The following SPICE1 variants were observed in gnomAD, a reference collection of about 807,000 sequenced individuals.
SPICE1 encodes spindle and centriole-associated protein 1.
SPICE1 carries 75 observed loss-of-function variants against 102.7 expected under a neutral mutation model. That is an observed-to-expected ratio of 0.73 (90% CI 0.61 to 0.88). The LOEUF (loss-of-function observed/expected upper bound fraction) is 0.88. Ranked by LOEUF, SPICE1 falls within the 40% of genes least tolerant of loss-of-function variation. The pLI is 0.00. For missense variants in SPICE1, 979 were observed against 1,020.1 expected, an observed-to-expected ratio of 0.96 and a Z score of 0.55; for synonymous variants, 308 against 350.3, an observed-to-expected ratio of 0.88 and a Z score of 1.35.
chr3:113,457,928 C>A (rs576867238), intron 12 of SPICE1, among the ~76,000 whole-genome samples: 1 of 152,228 alleles, frequency 6.6e-6, no homozygotes, highest in South Asian at 2.1e-4. Flanking sequence ...TCACAAGTAA[C>A]AAAATGGCTA....
chr3:113,448,869 T>C (rs1050720538), intron 15 of SPICE1: 1 of 152,214 alleles, frequency 6.6e-6, no homozygotes, highest in Non-Finnish European at 1.5e-5. Flanking sequence ...TTTATCATTA[T>C]AGTCCACAGC....
intron 8 of SPICE1, 56 bp from the exon 9 acceptor site, chr3:113,468,955 T>C: frequency 6.3e-7 from 1 of 1,577,162 alleles, no homozygotes; most frequent in Non-Finnish European, 8.6e-7. Context: ...CTTAAGAAAG[T>C]ATTTCAATTG....
At chr3:113,500,685 C>T (rs1455911605) in intron 3 of SPICE1, among the ~76,000 whole-genome samples, 1 of 152,072 alleles carries the variant, frequency 6.6e-6, no homozygotes, top group Non-Finnish European at 1.5e-5. Context: ...GTGAACAGTA[C>T]ATAGTAGTTA....
intron 14 of SPICE1, among the ~76,000 whole-genome samples, chr3:113,452,140 C>A (rs1935667266): frequency 6.6e-6 from 1 of 152,156 alleles, no homozygotes; most frequent in African/African-American, 2.4e-5. Flanking sequence ...CCCCCAGAAA[C>A]AACGAAATGA....
intron 7 of SPICE1, among the ~76,000 whole-genome samples, chr3:113,473,956 C>T (rs137874781): frequency 0.025 from 3,853 of 151,870 alleles, 63 homozygotes; most frequent in East Asian, 0.053. Flanking sequence ...TAAATGTAAA[C>T]GGACTAAATG....
chr3:113,481,754 T>C lies in SPICE1; in HGVS notation c.611+7191A>G, dbSNP rs184869391. 2.6e-3 allele frequency among the ~76,000 whole-genome samples: 390 copies of C among 152,346 alleles called. 2 individuals carry two copies. Among genetic ancestry groups the C allele is most frequent in the African/African-American group, 8.8e-3 (365 of 41,578 alleles). ...CCTGCAAAGGACATGAACTCATCTTTTTTATGGCTGCATAGTATTCCATGC... is the reference window on the plus strand; with the variant it reads ...CCTGCAAAGGACATGAACTCATCTTCTTTATGGCTGCATAGTATTCCATGC... On this transcript the variant is annotated intron_variant, in intron 7 of 17. Transcript: ENST00000295872.
intron 7 of SPICE1, among the ~76,000 whole-genome samples, chr3:113,474,085 G>A (rs1434576527): frequency 7.9e-5 from 12 of 151,716 alleles, no homozygotes; most frequent in African/African-American, 2.9e-4. Context: ...TAAAAGGATG[G>A]AGGAAGATCT....
At chr3:113,462,129 C>A (rs1935946401) in intron 11 of SPICE1, among the ~76,000 whole-genome samples, 1 of 152,172 alleles carries the variant, frequency 6.6e-6, no homozygotes, top group African/African-American at 2.4e-5. Flanking sequence ...GGTCAGCCTT[C>A]AAAATATATT....
In SPICE1 at chr3:113,453,510, G is replaced by A. The variant is rs760711659; in HGVS notation, c.2098C>T (p.Leu700Phe). 6.2e-7 allele frequency: 1 copy of A among 1,613,684 alleles called. No individual in the cohort carries two copies. Among genetic ancestry groups the A allele is most frequent in the Non-Finnish European group, 8.5e-7 (1 of 1,179,658 alleles). ...CTTTCTTGTTTGTTCAACTCCCGGA[G>A]TCCATCCCCTTGCTCTCCTCTGGGC... ...IEPRGEQGDGLRELNKQESAS... is the reference protein window; with the variant it reads ...IEPRGEQGDGFRELNKQESAS... Residue 700 changes from leucine to phenylalanine, a missense_variant, in exon 14 of 18, where the codon CTC (leucine) becomes TTC (phenylalanine). By Grantham distance (22) the Leu-to-Phe change is conservative (BLOSUM62 0). Coordinates refer to ENST00000295872, the MANE Select transcript of SPICE1 (RefSeq NM_144718.4).
chr3:113,465,746 T>C lies in SPICE1; in HGVS notation c.1194A>G (p.Gln398=). Residue 398 remains glutamine (Q), a synonymous_variant, in exon 11 of 18, where the codon CAA becomes CAG. Transcript: ENST00000295872. ...IQLRKEVETR[Q]QLEQVLGDHR... ...GATCACCTAATACTTGTTCCAGTTG[T>C]TGCCTTGTCTCTACTTCTTTACGTA... is the stretch of plus-strand genomic sequence containing the variant. 6.2e-7 allele frequency: 1 copy of C among 1,613,918 alleles called. No homozygotes were observed. Among genetic ancestry groups the C allele is most frequent in the South Asian group, 1.1e-5 (1 of 91,052 alleles).
intron 3 of SPICE1, 116 bp downstream of exon 3, chr3:113,503,064 A>G: frequency 9.3e-7 from 1 of 1,071,792 alleles, no homozygotes; most frequent in South Asian, 1.5e-5. Context: ...CATAAACAAG[A>G]TTAAACATAA....
chr3:113,486,789 T>C (rs1936658067), intron 7 of SPICE1, among the ~76,000 whole-genome samples: 1 of 150,888 alleles, frequency 6.6e-6, no homozygotes, highest in Admixed American at 6.6e-5. Context: ...GAAAAGCAAA[T>C]ATAGTACGTT....
At chr3:113,494,216 A>G (rs1936824502) in intron 4 of SPICE1, 74 bp from the exon 5 acceptor site, 2 of 1,034,510 alleles carry the variant, frequency 1.9e-6, no homozygotes, top group East Asian at 5.0e-5. Context: ...AAAAGACCAT[A>G]AAAAGGCCTG....
chr3:113,489,863 A>C (rs866392065), intron 6 of SPICE1, among the ~76,000 whole-genome samples: 5 of 151,388 alleles, frequency 3.3e-5, no homozygotes, highest in Admixed American at 6.6e-5. Flanking sequence ...AAAAAAAAAA[A>C]AAAAAACGCT....
intron 8 of SPICE1, 35 bp downstream of exon 8, chr3:113,469,064 C>T: frequency 6.3e-7 from 1 of 1,598,148 alleles, no homozygotes; most frequent in Non-Finnish European, 8.5e-7. Context: ...CCTAATAAAG[C>T]AGGCACCTAG....
Position 113,445,184 on chromosome 3 carries a change from A to T in SPICE1, c.*123T>A. On this transcript the variant is annotated 3_prime_UTR_variant, in exon 18 of 18. Coordinates refer to ENST00000295872, the MANE Select transcript of SPICE1 (RefSeq NM_144718.4). The stretch of plus-strand genomic sequence containing the variant: ...AATTGCTTTATTTCTCTGTTTCATT[A>T]GTACTAATTCACAGGATCTTTGTAG... 1.5e-6 allele frequency: 1 copy of T among 686,084 alleles called. No homozygotes were observed. The highest frequency in any genetic ancestry group is 2.4e-6 in the Non-Finnish European group (1 of 423,910). The allele number at this position is 686,084 out of a possible 1,614,324, so 42.5% of individuals were successfully genotyped here. A position where few individuals can be genotyped will look rare whatever the true frequency, so the allele number is the denominator to read the frequency against.
Position 113,469,334 on chromosome 3 carries a change from T to C in SPICE1, c.612-96A>G, listed in dbSNP as rs183966826. 2.5e-3 allele frequency: 777 copies of C among 316,274 alleles called. 8 individuals are homozygous for C. Among genetic ancestry groups the C allele is most frequent in the African/African-American group, 0.017 (742 of 42,434 alleles). The allele number at this position is 316,274 out of a possible 1,614,324, so 19.6% of individuals were successfully genotyped here. ...ATGATAGCAGGCATTTAATTTATAT[T>C]TACATTATCTATATTATTATAATTT... On this transcript the variant is annotated intron_variant, in intron 7 of 17. Coordinates refer to ENST00000295872, the MANE Select transcript of SPICE1 (RefSeq NM_144718.4).
chr3:113,462,070 C>T (rs560573318), intron 11 of SPICE1, among the ~76,000 whole-genome samples: 2 of 152,294 alleles, frequency 1.3e-5, no homozygotes, highest in East Asian at 3.9e-4. Context: ...TGACTCTTTT[C>T]CAATATCCTC....
At position 113,458,360 on chromosome 3, in the gene SPICE1, G is replaced by A. The variant is rs181645928; in HGVS notation, c.1436-1003C>T. On this transcript the variant is annotated intron_variant, in intron 12 of 17. Transcript: ENST00000295872. ...GCCAAGTGCCTGGGATTGCAGGCAC[G>A]CGCCACCACACCTGACTGGTTTTCG... 8.5e-3 allele frequency among the ~76,000 whole-genome samples: 1,290 copies of A among 152,236 alleles called. 23 individuals are homozygous for A. The highest frequency in any genetic ancestry group is 0.029 in the African/African-American group (1,218 of 41,510).
Sources: allele counts gnomAD v4.1 joint callset (sites outside exome capture counted in the v4.1 genomes callset), GRCh38; gene constraint gnomAD v4.1.1; transcripts MANE v1.5; gene names NCBI Gene and HGNC (gene_info 2026-07-23, HGNC 2026-07-21).